Variants in GNG4 observed in about 807,000 individuals in gnomAD.
GNG4 encodes the protein G protein subunit gamma 4.
Under a neutral mutation model 5.8 loss-of-function variants are expected in GNG4, and 4 were observed. The ratio of observed to expected loss-of-function variants is 0.69; its 90% CI spans 0.34 to 1.57. The LOEUF (loss-of-function observed/expected upper bound fraction) is 1.57. Ranked by LOEUF, GNG4 falls within the 40% of genes most tolerant of loss-of-function variation. The pLI, the probability that GNG4 is intolerant of heterozygous loss-of-function variation, is 0.06. For missense variants in GNG4, 96 were observed against 95.1 expected (o/e 1.01, Z -0.04); for synonymous variants, 29 against 32.9 (o/e 0.88, Z 0.41).
At position 235,549,487 on chromosome 1, in the gene GNG4, C is replaced by T. The variant is rs10754679; in HGVS notation, c.*2622G>A. On this transcript the variant is annotated 3_prime_UTR_variant, in exon 4 of 4. Transcript: ENST00000391854. ...TGCTCTCTGTACGGCCCCGCTTTCT[C>T]GGCTTCTCTGATGTGCCTTTATGAC... 0.56 allele frequency: 84,968 copies of T among 152,012 alleles called. 24,391 individuals carry two copies. Among genetic ancestry groups the T allele is most frequent in the East Asian group, 0.83 (4,291 of 5,184 alleles). The allele number at this position is 152,012 out of a possible 1,614,324, so 9.4% of individuals were successfully genotyped here.
chr1:235,555,451 T>C (rs116500955), intron 3 of GNG4, among the ~76,000 whole-genome samples: 1,985 of 152,284 alleles, frequency 0.013, 49 homozygotes, highest in African/African-American at 0.046. Flanking sequence ...GCATCAGATG[T>C]ATTATGTCAT....
chr1:235,602,204 G>A (rs575189860), intron 1 of GNG4, among the ~76,000 whole-genome samples: 1 of 152,188 alleles, frequency 6.6e-6, no homozygotes, highest in East Asian at 1.9e-4. Context: ...CCCAGGAGGC[G>A]GAGGTTGCAG....
rs749885936 is a variant in GNG4, at chr1:235,549,522, G to A, written c.*2587C>T. ...GATGTGCCTTTATGACTTGTGCTTC[G>A]CTTCATCGGGTTAATGATGTTGACG... On this transcript the variant is annotated 3_prime_UTR_variant, in exon 4 of 4. Transcript: ENST00000391854. 1.3e-5 allele frequency: 2 copies of A among 152,160 alleles called. No individual in the cohort carries two copies. The highest frequency in any genetic ancestry group is 4.8e-5 in the African/African-American group (2 of 41,430). 9.4% of individuals were successfully genotyped at this position (152,160 alleles called of 1,614,324 possible).
intron 1 of GNG4, among the ~76,000 whole-genome samples, chr1:235,630,676 TGACCTA>T (rs1688913633): frequency 1.3e-5 from 2 of 152,160 alleles, no homozygotes; most frequent in Admixed American, 1.3e-4. Context: ...CAGCTCAGAA[TGACCTA>T]GACGCATGGC....
intron 1 of GNG4, among the ~76,000 whole-genome samples, chr1:235,596,153 G>A (rs1201472074): frequency 2.0e-5 from 3 of 150,776 alleles, no homozygotes; most frequent in East Asian, 4.0e-4. Flanking sequence ...CAGCCTGGGT[G>A]ACAGAGCGAG....
intron 3 of GNG4, among the ~76,000 whole-genome samples, chr1:235,560,255 G>T (rs1687023388): frequency 6.6e-6 from 1 of 152,188 alleles, no homozygotes; most frequent in South Asian, 2.1e-4. Flanking sequence ...TGGAAACAAT[G>T]CGAGCATGTT....
At chr1:235,631,424 C>T (rs1356267262) in intron 1 of GNG4, among the ~76,000 whole-genome samples, 1 of 152,192 alleles carries the variant, frequency 6.6e-6, no homozygotes, top group Admixed American at 6.5e-5. Flanking sequence ...AGCTGAGAAC[C>T]TCTGGGAAGC....
intron 3 of GNG4, among the ~76,000 whole-genome samples, chr1:235,580,746 G>GTTTTT (rs56370700): frequency 8.0e-6 from 1 of 125,754 alleles, no homozygotes. Flanking sequence ...CCCGTTTTTT[G>GTTTTT]TTTTTTTTTT....
chr1:235,612,134 G>C (rs1442724340), intron 1 of GNG4, among the ~76,000 whole-genome samples: 1 of 151,678 alleles, frequency 6.6e-6, no homozygotes, highest in Non-Finnish European at 1.5e-5. Flanking sequence ...AAATATAAGG[G>C]TTGGCTCCTC....
Position 235,583,773 on chromosome 1 carries a change from C to T in GNG4, c.66G>A (p.Gln22=). ...TGTCCATACAGGCTTCCATCTTTAGCTGCTCCACAGCTTTCCTGGCTTGGG... is the reference window on the plus strand; with the variant it reads ...TGTCCATACAGGCTTCCATCTTTAGTTGCTCCACAGCTTTCCTGGCTTGGG... ...SISQARKAVE[Q]LKMEACMDRV... Residue 22 remains glutamine (Q), a synonymous_variant, in exon 3 of 4, where the codon CAG becomes CAA. Transcript: ENST00000391854. The T allele has an allele frequency of 6.2e-7, 1 of 1,613,704 alleles. No individual in the cohort carries two copies. The highest frequency in any genetic ancestry group is 8.5e-7 in the Non-Finnish European group (1 of 1,179,642).
chr1:235,577,765 G>T (rs1687524134), intron 3 of GNG4, among the ~76,000 whole-genome samples: 1 of 152,064 alleles, frequency 6.6e-6, no homozygotes, highest in Non-Finnish European at 1.5e-5. Context: ...TCTGGCCCTG[G>T]TGTTTCTGAC....
intron 3 of GNG4, among the ~76,000 whole-genome samples, chr1:235,578,914 A>G (rs1222570954): frequency 1.3e-5 from 2 of 152,148 alleles, no homozygotes; most frequent in South Asian, 2.1e-4. Flanking sequence ...CCTGGCCAAC[A>G]TGGCGAACCC....
At chr1:235,630,896 G>C (rs147744263) in intron 1 of GNG4, among the ~76,000 whole-genome samples, 2 of 151,810 alleles carry the variant, frequency 1.3e-5, no homozygotes, top group African/African-American at 4.8e-5. Context: ...TCTAATGAGA[G>C]ACTCTCCTTT....
chr1:235,596,209 T>TACACACACACACACAC (rs59527448), intron 1 of GNG4, among the ~76,000 whole-genome samples: 625 of 133,550 alleles, frequency 4.7e-3, no homozygotes, highest in African/African-American at 0.011. Flanking sequence ...ACAAACAAAA[T>TACACACACACACACAC]ACACACACAC....
At chr1:235,559,801 T>C (rs1189823442) in intron 3 of GNG4, among the ~76,000 whole-genome samples, 2 of 152,248 alleles carry the variant, frequency 1.3e-5, no homozygotes, top group African/African-American at 4.8e-5. Flanking sequence ...ACTTTCAGCA[T>C]AGGCTTTTTT....
At chr1:235,560,591 A>G (rs934864795) in intron 3 of GNG4, among the ~76,000 whole-genome samples, 1 of 152,208 alleles carries the variant, frequency 6.6e-6, no homozygotes, top group African/African-American at 2.4e-5. Flanking sequence ...TCCATTATTC[A>G]TTTGGCTACT....
chr1:235,597,219 C>G (rs1056931032), intron 1 of GNG4, among the ~76,000 whole-genome samples: 2 of 152,220 alleles, frequency 1.3e-5, no homozygotes, highest in African/African-American at 4.8e-5. Context: ...CCGAGGCATC[C>G]TAATGAACTT....
intron 2 of GNG4, among the ~76,000 whole-genome samples, chr1:235,593,822 T>TAC (rs1558489632): frequency 2.0e-5 from 3 of 151,650 alleles, no homozygotes; most frequent in African/African-American, 7.3e-5. Context: ...CAGACCTTCG[T>TAC]GGTGAGTGTT....
intron 1 of GNG4, among the ~76,000 whole-genome samples, chr1:235,605,195 C>CTT (rs58223568): frequency 0.057 from 8,115 of 142,182 alleles, 555 homozygotes; most frequent in African/African-American, 0.17. Flanking sequence ...TGATTCCTGC[C>CTT]TTTTTTTTTT....
Sources: allele counts gnomAD v4.1 joint callset (sites outside exome capture counted in the v4.1 genomes callset), GRCh38; gene constraint gnomAD v4.1.1; transcripts MANE v1.5; gene names NCBI Gene and HGNC (gene_info 2026-07-23, HGNC 2026-07-21).